The following RYR2 variants were observed in gnomAD, a reference collection of about 807,000 sequenced individuals.
RYR2 encodes the protein ryanodine receptor 2.
RYR2 carries 227 observed loss-of-function variants against 601.1 expected under a neutral mutation model. The ratio of observed to expected loss-of-function variants is 0.38; its 90% CI spans 0.34 to 0.42. RYR2 has a LOEUF of 0.42. RYR2 is among the 10% of genes least tolerant of loss of function. The pLI, the probability that RYR2 is intolerant of heterozygous loss-of-function variation, is 1.00. For synonymous variants in RYR2, 2,223 were observed against 2,175.1 expected (o/e 1.02, Z -0.61); for missense variants, 4,646 against 6,156.5 (o/e 0.75, Z 8.21).
At chr1:237,755,271 C>T (rs1436974362) in intron 80 of RYR2, among the ~76,000 whole-genome samples, 1 of 152,138 alleles carries the variant, frequency 6.6e-6, no homozygotes, top group African/African-American at 2.4e-5. Context: ...CTTCCATCTT[C>T]CAGTGTCTAT....
chr1:237,415,460 C>T (rs1472076558), intron 10 of RYR2, among the ~76,000 whole-genome samples: 1 of 152,144 alleles, frequency 6.6e-6, no homozygotes, highest in Non-Finnish European at 1.5e-5. Context: ...CAATTATGTA[C>T]CCCTGTTGTG....
chr1:237,589,697 C>T (rs181428742), intron 29 of RYR2, 96 bp from the exon 30 acceptor site: 136 of 1,204,838 alleles, frequency 1.1e-4, no homozygotes, highest in Non-Finnish European at 1.5e-4. Flanking sequence ...TGACAGCTCT[C>T]ACAAAGTTCG....
At chr1:237,603,020 G>T (rs372672926) in intron 35 of RYR2, among the ~76,000 whole-genome samples, 1 of 152,190 alleles carries the variant, frequency 6.6e-6, no homozygotes, top group Non-Finnish European at 1.5e-5. Flanking sequence ...GCGAAGGCCC[G>T]TGGTGGGTGA....
rs1477705061 is a variant in RYR2, at chr1:237,603,955, T to A, written c.4683+1844T>A. Among the ~76,000 whole-genome samples the A allele has an allele frequency of 3.3e-5, 5 of 152,194 alleles. No individual in the cohort carries two copies. In the East Asian group the frequency reaches 9.7e-4, roughly 29 times the overall value. The stretch of plus-strand genomic sequence containing the variant: ...TAGAGACGTACAAAGAGACTTAGAC[T>A]CCCACACAATAATAATGGGAGACTT... On this transcript the variant is annotated intron_variant, in intron 35 of 104. Coordinates refer to ENST00000366574, the MANE Select transcript of RYR2 (RefSeq NM_001035.3).
chr1:237,732,155 G>A lies in RYR2; in HGVS notation c.11039+6G>A, dbSNP rs779549361. The A allele has an allele frequency of 1.3e-5, 21 of 1,572,054 alleles. No individual in the cohort carries two copies. Among genetic ancestry groups the A allele is most frequent in the Non-Finnish European group, 1.7e-5 (20 of 1,143,540 alleles). On this transcript the variant is annotated splice_donor_region_variant and intron_variant, in intron 78 of 104. Coordinates refer to ENST00000366574, the MANE Select transcript of RYR2 (RefSeq NM_001035.3). ...ACAGCTTTAACAGAGAAATGGTATGGTTGGGAGGGTTCCTATGAGACATAG... is the reference window on the plus strand; with the variant it reads ...ACAGCTTTAACAGAGAAATGGTATGATTGGGAGGGTTCCTATGAGACATAG...
At chr1:237,124,002 C>G (rs576855607) in intron 1 of RYR2, among the ~76,000 whole-genome samples, 1 of 152,130 alleles carries the variant, frequency 6.6e-6, no homozygotes, top group Non-Finnish European at 1.5e-5. Flanking sequence ...CTCTTTTCTT[C>G]CAAGGAGAAA....
intron 92 of RYR2, among the ~76,000 whole-genome samples, chr1:237,788,342 C>T (rs1657911928): frequency 6.6e-6 from 1 of 152,162 alleles, no homozygotes; most frequent in Admixed American, 6.5e-5. Flanking sequence ...CCCATAACCT[C>T]TACTCATGTT....
chr1:237,543,624 C>G (rs2148048922), intron 25 of RYR2, among the ~76,000 whole-genome samples: 1 of 152,252 alleles, frequency 6.6e-6, no homozygotes, highest in Admixed American at 6.5e-5. Context: ...TACATATTTA[C>G]TGTACATCTT....
chr1:237,622,940 C>T (rs1198763280), intron 38 of RYR2, among the ~76,000 whole-genome samples: 1 of 152,108 alleles, frequency 6.6e-6, no homozygotes, highest in African/African-American at 2.4e-5. Flanking sequence ...ACTTCCGGCC[C>T]CAAGCATTTC....
rs1025392327 is a variant in RYR2 at position 237,799,728 on chromosome 1, A to G, written c.14090+1558A>G. On this transcript the variant is annotated intron_variant, in intron 97 of 104. Coordinates refer to ENST00000366574, the MANE Select transcript of RYR2 (RefSeq NM_001035.3). ...ATATGAACGCTATCTTAATGGGAACATTCAAATACAAAATGATTTATATAT... is the reference window on the plus strand; with the variant it reads ...ATATGAACGCTATCTTAATGGGAACGTTCAAATACAAAATGATTTATATAT... Among the ~76,000 whole-genome samples the G allele has an allele frequency of 2.6e-5, 4 of 152,222 alleles. 1 individual carries two copies. Among genetic ancestry groups the G allele is most frequent in the Admixed American group, 2.6e-4 (4 of 15,288 alleles).
At chr1:237,495,229 GGATAAATGGAGGAT>G (rs1449363311) in intron 19 of RYR2, among the ~76,000 whole-genome samples, 1 of 152,130 alleles carries the variant, frequency 6.6e-6, no homozygotes, top group African/African-American at 2.4e-5. Flanking sequence ...TTTTCCAGGA[GGATAAATGGAGGAT>G]GAGCAAGGTT....
chr1:237,350,792 T>C (rs1698773753), intron 3 of RYR2, among the ~76,000 whole-genome samples: 1 of 151,166 alleles, frequency 6.6e-6, no homozygotes, highest in South Asian at 2.1e-4. Context: ...AAAACAAAAA[T>C]TGACAAAATT....
intron 77 of RYR2, among the ~76,000 whole-genome samples, chr1:237,731,826 C>T (rs1256568342): frequency 6.6e-6 from 1 of 151,576 alleles, no homozygotes; most frequent in Non-Finnish European, 1.5e-5. Context: ...AACACATATA[C>T]ATACAAGCTT....
intron 1 of RYR2, among the ~76,000 whole-genome samples, chr1:237,110,351 G>A (rs896285637): frequency 2.6e-5 from 4 of 151,608 alleles, no homozygotes; most frequent in African/African-American, 9.7e-5. Flanking sequence ...TGTCATGCTG[G>A]TGTGCTGCAC....
chr1:237,525,331 G>T (rs1478278479), intron 24 of RYR2, among the ~76,000 whole-genome samples: 1 of 152,134 alleles, frequency 6.6e-6, no homozygotes, highest in Non-Finnish European at 1.5e-5. Flanking sequence ...TTTCCATGGT[G>T]TATATGTACC....
chr1:237,247,229 A>G (rs952781076), intron 1 of RYR2, among the ~76,000 whole-genome samples: 5 of 152,216 alleles, frequency 3.3e-5, no homozygotes, highest in Non-Finnish European at 7.3e-5. Flanking sequence ...ACTGTGAAAT[A>G]GCTTACTGGA....
chr1:237,551,415 C>A (rs1198597166), intron 27 of RYR2, among the ~76,000 whole-genome samples: 1 of 151,836 alleles, frequency 6.6e-6, no homozygotes, highest in East Asian at 2.0e-4. Context: ...CCTGTAGTCC[C>A]AGCTACTCGG....
chr1:237,718,495 C>A lies in RYR2; in HGVS notation c.10528C>A (p.Arg3510Ser), dbSNP rs201749277. The change falls in exon 73 of 105, where the codon CGC becomes AGC. Residue 3510 changes from arginine (R) to serine (S), a missense_variant. Coordinates refer to ENST00000366574, the MANE Select transcript of RYR2 (RefSeq NM_001035.3). ...CGAGGATGAAGTACGAGATATAATC[C>A]GCAGCAATATTCATTTACAAGGCAA... ...DTEDEVRDII[R>S]SNIHLQGKLE... The A allele has an allele frequency of 7.6e-5, 121 of 1,595,234 alleles. No individual in the cohort carries two copies. The highest frequency in any genetic ancestry group is 9.8e-5 in the Non-Finnish European group (114 of 1,164,148).
intron 3 of RYR2, among the ~76,000 whole-genome samples, chr1:237,349,421 A>T (rs956662740): frequency 6.6e-6 from 1 of 152,188 alleles, no homozygotes; most frequent in African/African-American, 2.4e-5. Flanking sequence ...ATTTAGATAC[A>T]GGAGATGGGG....
Sources: allele counts gnomAD v4.1 joint callset (sites outside exome capture counted in the v4.1 genomes callset), GRCh38; gene constraint gnomAD v4.1.1; transcripts MANE v1.5; gene names NCBI Gene and HGNC (gene_info 2026-07-23, HGNC 2026-07-21).